Variants in USP46 observed in about 807,000 individuals in gnomAD.
USP46 encodes ubiquitin carboxyl-terminal hydrolase 46.
In USP46, 12 loss-of-function variants were observed where a neutral mutation model predicts 44.4. That is an observed-to-expected ratio of 0.27 (90% CI 0.17 to 0.44). The LOEUF is 0.44. Among genes scored for constraint, USP46 ranks in the 20% least tolerant of loss-of-function variants. The pLI is 1.00. For synonymous variants in USP46, 155 were observed against 161.5 expected, an observed-to-expected ratio of 0.96 and a Z score of 0.31; for missense variants, 248 against 444.8, an observed-to-expected ratio of 0.56 and a Z score of 3.98.
chr4:52,624,909 T>C (rs1717516896), intron 4 of USP46, among the ~76,000 whole-genome samples: 1 of 152,222 alleles, frequency 6.6e-6, no homozygotes, highest in African/African-American at 2.4e-5. Flanking sequence ...AGCACCTTCA[T>C]CTGGGACTTT....
chr4:52,633,602 C>T (rs1717997302), intron 1 of USP46, among the ~76,000 whole-genome samples: 1 of 152,098 alleles, frequency 6.6e-6, no homozygotes, highest in South Asian at 2.1e-4. Flanking sequence ...GGATATATGG[C>T]TTAGAGCCCG....
intron 4 of USP46, among the ~76,000 whole-genome samples, chr4:52,618,488 T>TA (rs368247527): frequency 7.4e-5 from 11 of 148,832 alleles, no homozygotes; most frequent in Middle Eastern, 3.2e-3. Context: ...AGACTCCATC[T>TA]AAAAAAAAAA....
chr4:52,618,970 G>GA (rs1262090276), intron 4 of USP46, among the ~76,000 whole-genome samples: 6 of 152,126 alleles, frequency 3.9e-5, no homozygotes, highest in Non-Finnish European at 7.4e-5. Flanking sequence ...GAGAAGCACG[G>GA]AAAAATCAGA....
Position 52,639,860 on chromosome 4 carries a change from GTT to G in USP46, c.37-8718_37-8717del, listed in dbSNP as rs34078992. 2.2e-3 allele frequency among the ~76,000 whole-genome samples: 253 copies of G among 116,604 alleles called. 2 individuals are homozygous for G. The highest frequency in any genetic ancestry group is 7.9e-3 in the African/African-American group (240 of 30,228). 76.5% of individuals were successfully genotyped at this position (116,604 alleles called of 152,430 possible). On this transcript the variant is annotated intron_variant, in intron 1 of 8. Transcript: ENST00000441222. ...TACAGGCATATGCTACCATGCCTGG[GTT>G]TTTTTTTTTTTTTTTTTTTTTGGTA...
chr4:52,598,467 G>A, intron 8 of USP46, 161 bp downstream of exon 8: 1 of 677,230 alleles, frequency 1.5e-6, no homozygotes, highest in South Asian at 1.8e-5. Flanking sequence ...CCTTTCCATG[G>A]AGCATGGGGA....
chr4:52,644,465 G>A (rs1188934179), intron 1 of USP46, among the ~76,000 whole-genome samples: 1 of 152,074 alleles, frequency 6.6e-6, no homozygotes, highest in Non-Finnish European at 1.5e-5. Flanking sequence ...CGGCACAGCA[G>A]GTGAGCAGGC....
chr4:52,622,346 T>C (rs577226706), intron 4 of USP46, among the ~76,000 whole-genome samples: 79 of 152,340 alleles, frequency 5.2e-4, no homozygotes, highest in African/African-American at 1.8e-3. Context: ...AAAAAAATGA[T>C]ATATTTCCTA....
At chr4:52,646,153 C>T (rs1718543387) in intron 1 of USP46, among the ~76,000 whole-genome samples, 1 of 152,120 alleles carries the variant, frequency 6.6e-6, no homozygotes, top group South Asian at 2.1e-4. Flanking sequence ...TGATTTCATC[C>T]TCCCATCTTC....
At chr4:52,607,887 T>C (rs1716755977) in intron 5 of USP46, among the ~76,000 whole-genome samples, 1 of 152,226 alleles carries the variant, frequency 6.6e-6, no homozygotes, top group Admixed American at 6.5e-5. Context: ...TCTGTACAGC[T>C]TGCAGAACAA....
intron 1 of USP46, among the ~76,000 whole-genome samples, chr4:52,638,304 G>C (rs1456785425): frequency 6.6e-6 from 1 of 152,082 alleles, no homozygotes; most frequent in Non-Finnish European, 1.5e-5. Flanking sequence ...GAGGGAAGAA[G>C]GAGCCATGAG....
Position 52,626,098 on chromosome 4 carries a change from T to C in USP46, c.481A>G (p.Asn161Asp), listed in dbSNP as rs2109628756. The C allele has an allele frequency of 6.2e-7, 1 of 1,613,964 alleles. No homozygotes were observed. The highest frequency in any genetic ancestry group is 2.2e-5 in the East Asian group (1 of 44,876). ...TGGACCCAGGTGAGTTCTGGTTTAT[T>C]ATTTTCCGCAGGTTCGTTCATGTTG... ...NGNMNEPAEN[N>D]KPELTWVHEI... is the part of the protein sequence containing the mutation. The change falls in exon 4 of 9, where the codon AAT (asparagine) becomes GAT (aspartate). Residue 161 changes from asparagine (N) to aspartate (D), a missense_variant. Around this residue, in one of 5 missense-constraint regions of USP46, gnomAD observed 37 missense variants for 30.6 expected, o/e 1.21. Coordinates refer to ENST00000441222, the MANE Select transcript of USP46 (RefSeq NM_022832.4).
At chr4:52,656,396 TCTC>T (rs1055856440) in intron 1 of USP46, 1 of 1,257,422 alleles carries the variant, frequency 8.0e-7, no homozygotes, top group African/African-American at 1.7e-5. Context: ...TACCCAGCCT[TCTC>T]CTCTGGGAAG....
At chr4:52,624,175 T>C (rs375811856) in intron 4 of USP46, among the ~76,000 whole-genome samples, 6 of 152,010 alleles carry the variant, frequency 3.9e-5, no homozygotes, top group African/African-American at 1.2e-4. Flanking sequence ...AATACACACA[T>C]GGGAAATACC....
intron 4 of USP46, among the ~76,000 whole-genome samples, chr4:52,620,569 A>G (rs1335299888): frequency 6.6e-6 from 1 of 152,226 alleles, no homozygotes; most frequent in Non-Finnish European, 1.5e-5. Context: ...CCACATATTT[A>G]CTGAATAAAA....
At chr4:52,608,326 T>C (rs1716780544) in intron 5 of USP46, among the ~76,000 whole-genome samples, 1 of 152,238 alleles carries the variant, frequency 6.6e-6, no homozygotes, top group Admixed American at 6.5e-5. Context: ...ACCACAATAA[T>C]TCAAAATTGA....
chr4:52,621,018 G>A lies in USP46; in HGVS notation c.561+5000C>T, dbSNP rs74575707. On this transcript the variant is annotated intron_variant, in intron 4 of 8. Transcript: ENST00000441222. ...ACTGAGCAAAAGGCAAAACACAAAG[G>A]ATACATATTTATATGTATCAAAATA... Among the ~76,000 whole-genome samples the A allele has an allele frequency of 2.9e-3, 434 of 152,168 alleles. 14 individuals carry two copies. The East Asian group carries it at 0.07, about 25-fold the overall frequency.
chr4:52,632,920 G>C (rs1426446341), intron 1 of USP46, among the ~76,000 whole-genome samples: 1 of 39,090 alleles, frequency 2.6e-5, no homozygotes, highest in Non-Finnish European at 4.7e-5. Flanking sequence ...GAAAGAAAGA[G>C]AAAGAAAGAA....
In USP46 at chr4:52,643,566, T is replaced by C. The variant is rs1436652217; in HGVS notation, c.37-12422A>G. 3.9e-5 allele frequency among the ~76,000 whole-genome samples: 6 copies of C among 152,338 alleles called. No individual in the cohort carries two copies. In the East Asian group the frequency reaches 1.2e-3, roughly 29 times the overall value. On this transcript the variant is annotated intron_variant, in intron 1 of 8. Coordinates refer to ENST00000441222, the MANE Select transcript of USP46 (RefSeq NM_022832.4). ...GCTTACCAACCCCTGTACTATGCCATAAGCTTTATAAGGGCAGCAATTAGG... is the reference window on the plus strand; with the variant it reads ...GCTTACCAACCCCTGTACTATGCCACAAGCTTTATAAGGGCAGCAATTAGG...
In USP46 at chr4:52,594,328, A is replaced by G. The variant is rs1716143035; in HGVS notation, c.*3312T>C. 6.6e-6 allele frequency: 1 copy of G among 152,236 alleles called. No individual in the cohort carries two copies. The highest frequency in any genetic ancestry group is 1.5e-5 in the Non-Finnish European group (1 of 68,042). 9.4% of individuals were successfully genotyped at this position (152,236 alleles called of 1,614,324 possible). On this transcript the variant is annotated 3_prime_UTR_variant, in exon 9 of 9. Coordinates refer to ENST00000441222, the MANE Select transcript of USP46 (RefSeq NM_022832.4). ...GTACAGATTATTTTAAATAAAAACT[A>G]CAATATTTTTAGCAACAAAATAATA...
Sources: allele counts gnomAD v4.1 joint callset (sites outside exome capture counted in the v4.1 genomes callset), GRCh38; gene constraint gnomAD v4.1.1; regional missense constraint gnomAD v4.1.1; transcripts MANE v1.5; gene names NCBI Gene and HGNC (gene_info 2026-07-23, HGNC 2026-07-21).